MCTP1: variants seen among roughly 807,000 people sequenced by gnomAD.
MCTP1 encodes multiple C2 and transmembrane domain-containing protein 1.
In MCTP1, 69 loss-of-function variants were observed where a neutral mutation model predicts 120.6. That is an observed-to-expected ratio of 0.57 (90% CI 0.47 to 0.70). The LOEUF (loss-of-function observed/expected upper bound fraction) is 0.70. Ranked by LOEUF, MCTP1 falls within the 30% of genes least tolerant of loss-of-function variation. The pLI is 0.00. For missense variants in MCTP1, 1,203 were observed against 1,248.8 expected, an observed-to-expected ratio of 0.96 and a Z score of 0.55; for synonymous variants, 529 against 493.1, an observed-to-expected ratio of 1.07 and a Z score of -0.96.
At chr5:94,772,498 A>ATTT (rs1254563741) in intron 19 of MCTP1, among the ~76,000 whole-genome samples, 1 of 152,068 alleles carries the variant, frequency 6.6e-6, no homozygotes, top group South Asian at 2.1e-4. Flanking sequence ...CAATCTCCCT[A>ATTT]TTTTAAGGTC....
intron 1 of MCTP1, among the ~76,000 whole-genome samples, chr5:95,186,900 A>G (rs2152524779): frequency 6.6e-6 from 1 of 152,300 alleles, no homozygotes; most frequent in East Asian, 1.9e-4. Context: ...GCTTTTAATA[A>G]AGATGCCAAT....
chr5:95,129,099 A>C (rs1275491324), intron 1 of MCTP1, among the ~76,000 whole-genome samples: 1 of 152,270 alleles, frequency 6.6e-6, no homozygotes, highest in African/African-American at 2.4e-5. Flanking sequence ...CTTATGAAAC[A>C]GTAAGGAAAC....
chr5:95,092,432 T>C (rs184625198), intron 1 of MCTP1, among the ~76,000 whole-genome samples: 1 of 152,326 alleles, frequency 6.6e-6, no homozygotes, highest in Admixed American at 6.5e-5. Context: ...TAGTATTCTG[T>C]AGTACTACGT....
At chr5:94,940,384 A>C (rs293038) in intron 4 of MCTP1, among the ~76,000 whole-genome samples, 189 bp from the exon 5 acceptor site, 39,090 of 110,766 alleles carry the variant, frequency 0.35, 5,269 homozygotes, top group Admixed American at 0.43. Flanking sequence ...ATCTGAATAC[A>C]CCAGATGAAT....
At chr5:94,910,233 T>C (rs188619581) in intron 9 of MCTP1, among the ~76,000 whole-genome samples, 274 of 151,502 alleles carry the variant, frequency 1.8e-3, no homozygotes, top group African/African-American at 6.4e-3. Flanking sequence ...CATATATGTA[T>C]GTATGTATAT....
At chr5:95,139,902 G>A (rs1321311189) in intron 1 of MCTP1, among the ~76,000 whole-genome samples, 1 of 152,180 alleles carries the variant, frequency 6.6e-6, no homozygotes, top group Non-Finnish European at 1.5e-5. Flanking sequence ...TACAAGCTTT[G>A]CTTTAAAAAT....
intron 19 of MCTP1, among the ~76,000 whole-genome samples, chr5:94,723,812 CA>C (rs1761467303): frequency 6.6e-6 from 1 of 151,590 alleles, no homozygotes; most frequent in Admixed American, 6.6e-5. Flanking sequence ...AAACAACAGG[CA>C]TTTTTAAGTG....
At chr5:94,905,523 G>A (rs1437105610) in intron 10 of MCTP1, among the ~76,000 whole-genome samples, 1 of 152,176 alleles carries the variant, frequency 6.6e-6, no homozygotes, top group East Asian at 1.9e-4. Flanking sequence ...CAATGATAAT[G>A]ATAGAGATGA....
At chr5:95,140,354 A>G (rs1759803365) in intron 1 of MCTP1, among the ~76,000 whole-genome samples, 1 of 152,182 alleles carries the variant, frequency 6.6e-6, no homozygotes, top group Admixed American at 6.5e-5. Context: ...AAAAATGCAC[A>G]CAATTGGTAC....
At chr5:95,217,240 A>G (rs1284021027) in intron 1 of MCTP1, among the ~76,000 whole-genome samples, 1 of 152,224 alleles carries the variant, frequency 6.6e-6, no homozygotes, top group Non-Finnish European at 1.5e-5. Flanking sequence ...ATTTAACATT[A>G]ACATTACCTT....
intron 1 of MCTP1, among the ~76,000 whole-genome samples, chr5:95,170,766 G>A (rs1447527198): frequency 1.3e-5 from 2 of 152,126 alleles, no homozygotes; most frequent in African/African-American, 4.8e-5. Flanking sequence ...TTGCTTGGTA[G>A]ATCTTCTTCC....
At chr5:94,876,054 C>T (rs905459176) in intron 12 of MCTP1, among the ~76,000 whole-genome samples, 1 of 152,124 alleles carries the variant, frequency 6.6e-6, no homozygotes, top group Non-Finnish European at 1.5e-5. Flanking sequence ...AAATGTACAA[C>T]ATCAAATTCT....
Position 94,980,331 on chromosome 5 carries a change from G to T in MCTP1, c.839-26970C>A, listed in dbSNP as rs140911164. Among the ~76,000 whole-genome samples, 13 of 152,190 alleles carry T rather than the reference G, an allele frequency of 8.5e-5. No individual in the cohort carries two copies. The East Asian group carries it at 1.5e-3, about 18-fold the overall frequency. ...ATGAATAATCTTATAGAAACAAAAA[G>T]TCTTAGCATTGGAAGAGACTTCGTC... On this transcript the variant is annotated intron_variant, in intron 2 of 22. Coordinates refer to ENST00000515393, the MANE Select transcript of MCTP1 (RefSeq NM_024717.7).
rs116320069 is a variant in MCTP1 at position 95,238,951 on chromosome 5, G to C, written c.720+44905C>G. 4.6e-3 allele frequency among the ~76,000 whole-genome samples: 695 copies of C among 152,180 alleles called. 1 individual carries two copies. The highest frequency in any genetic ancestry group is 5.6e-3 in the Non-Finnish European group (380 of 67,982). On this transcript the variant is annotated intron_variant, in intron 1 of 22. Transcript: ENST00000515393. The stretch of plus-strand genomic sequence containing the variant: ...GGGAGAGATGAATGGCATCCTTTTT[G>C]ATTTCAGTATACATGTAGCTATGAC...
At chr5:94,738,712 T>C (rs72773601) in intron 19 of MCTP1, among the ~76,000 whole-genome samples, 8,150 of 152,302 alleles carry the variant, frequency 0.054, 360 homozygotes, top group East Asian at 0.17. Context: ...TCCTGCCCTC[T>C]CATTATTGTC....
intron 2 of MCTP1, among the ~76,000 whole-genome samples, chr5:94,955,342 T>A (rs540284210): frequency 6.6e-6 from 1 of 152,256 alleles, no homozygotes; most frequent in South Asian, 2.1e-4. Flanking sequence ...TGGGCAGTCA[T>A]TTGGGCAGAC....
intron 2 of MCTP1, among the ~76,000 whole-genome samples, chr5:95,015,671 C>T (rs544652409): frequency 1.3e-5 from 2 of 152,230 alleles, no homozygotes; most frequent in African/African-American, 2.4e-5. Context: ...CTTCACAACA[C>T]ATCCTATACA....
chr5:95,280,237 C>A (rs1165490220), intron 1 of MCTP1, among the ~76,000 whole-genome samples: 2 of 152,112 alleles, frequency 1.3e-5, no homozygotes, highest in Non-Finnish European at 2.9e-5. Context: ...GGAATCTTAT[C>A]CCAATGAATA....
At chr5:95,120,940 G>C (rs968609637) in intron 1 of MCTP1, among the ~76,000 whole-genome samples, 19 of 152,192 alleles carry the variant, frequency 1.2e-4, no homozygotes, top group Non-Finnish European at 2.5e-4. Flanking sequence ...AAAACCTAAA[G>C]ACTTCCCCCC....
Sources: allele counts gnomAD v4.1 joint callset (sites outside exome capture counted in the v4.1 genomes callset), GRCh38; gene constraint gnomAD v4.1.1; transcripts MANE v1.5; gene names NCBI Gene and HGNC (gene_info 2026-07-23, HGNC 2026-07-21).